The following RBFOX1 variants were observed in gnomAD, a reference collection of about 807,000 sequenced individuals.
The protein encoded by RBFOX1 is RNA binding protein fox-1 homolog 1.
RBFOX1 carries 8 observed loss-of-function variants against 57.7 expected under a neutral mutation model. The ratio of observed to expected loss-of-function variants is 0.14; its 90% CI spans 0.08 to 0.25. RBFOX1 has a LOEUF of 0.25. Among genes scored for constraint, RBFOX1 ranks in the 10% least tolerant of loss-of-function variants. The probability of loss-of-function intolerance (pLI) is 1.00; values close to 1 mark genes in which losing one functional copy is unlikely to be tolerated. For synonymous variants in RBFOX1, 326 were observed against 222.4 expected, an observed-to-expected ratio of 1.47 and a Z score of -4.15; for missense variants, 611 against 548.5, an observed-to-expected ratio of 1.11 and a Z score of -1.14.
At chr16:7,478,183 A>T (rs1443359078) in intron 4 of RBFOX1, among the ~76,000 whole-genome samples, 2 of 152,338 alleles carry the variant, frequency 1.3e-5, no homozygotes, top group East Asian at 1.9e-4. Context: ...ACAGCTTTTC[A>T]CTTCACCCAG....
At chr16:7,218,594 A>G (rs965925851) in intron 4 of RBFOX1, among the ~76,000 whole-genome samples, 19 of 149,032 alleles carry the variant, frequency 1.3e-4, no homozygotes, top group African/African-American at 4.3e-4. Flanking sequence ...GTTAACCAGA[A>G]GACGTGATTT....
intron 3 of RBFOX1, among the ~76,000 whole-genome samples, chr16:6,907,879 C>T (rs2153425955): frequency 6.6e-6 from 1 of 151,750 alleles, no homozygotes; most frequent in South Asian, 2.1e-4. Flanking sequence ...CGGCCAGCTT[C>T]TGTGGTTGGC....
At chr16:5,251,615 T>G (rs1460980144) in intron 1 of RBFOX1, among the ~76,000 whole-genome samples, 2 of 152,114 alleles carry the variant, frequency 1.3e-5, no homozygotes, top group African/African-American at 4.8e-5. Context: ...TTAAAGCCAC[T>G]TCCAGGCAAA....
intron 2 of RBFOX1, among the ~76,000 whole-genome samples, chr16:6,429,678 G>C (rs2094023240): frequency 1.3e-5 from 2 of 152,182 alleles, no homozygotes; most frequent in African/African-American, 2.4e-5. Context: ...CTTCTCATGG[G>C]AGTGAATAAG....
chr16:6,765,967 G>C, intron 3 of RBFOX1, among the ~76,000 whole-genome samples: 1 of 152,076 alleles, frequency 6.6e-6, no homozygotes. Flanking sequence ...GGACATTGGA[G>C]ACTCAGAAGA....
At chr16:7,686,358 T>G (rs1370592853) in intron 14 of RBFOX1, among the ~76,000 whole-genome samples, 1 of 152,076 alleles carries the variant, frequency 6.6e-6, no homozygotes, top group Non-Finnish European at 1.5e-5. Context: ...CCTATCCTTC[T>G]TTTTCAACCT....
intron 1 of RBFOX1, among the ~76,000 whole-genome samples, chr16:5,335,945 G>A (rs150891789): frequency 7.2e-5 from 11 of 152,214 alleles, no homozygotes; most frequent in African/African-American, 2.4e-4. Context: ...AGCATTTCTT[G>A]TTTCCTTTAA....
At chr16:7,138,702 C>T (rs961526905) in intron 4 of RBFOX1, among the ~76,000 whole-genome samples, 1 of 152,158 alleles carries the variant, frequency 6.6e-6, no homozygotes, top group Non-Finnish European at 1.5e-5. Context: ...CATCATCTCC[C>T]AGATATATAG....
rs557280689 is a variant in RBFOX1 at position 5,751,455 on chromosome 16, A to T, written c.319-115848A>T. ...ACCCAATAGAGAAGTTAATACATCC[A>T]CTGTAGACTTCTGCTTAAAATCAGA... On this transcript the variant is annotated intron_variant, in intron 3 of 19. Coordinates refer to the RBFOX1 transcript ENST00000641259. Among the ~76,000 whole-genome samples, 245 of 152,302 alleles carry T rather than the reference A, an allele frequency of 1.6e-3. 1 individual carries two copies. Among genetic ancestry groups the T allele is most frequent in the African/African-American group, 5.6e-3 (231 of 41,578 alleles).
chr16:6,614,162 A>G (rs1267125194), intron 2 of RBFOX1, among the ~76,000 whole-genome samples: 1 of 152,182 alleles, frequency 6.6e-6, no homozygotes, highest in African/African-American at 2.4e-5. Context: ...AATATTTTCT[A>G]CAGATCATAT....
chr16:7,045,838 A>G (rs2047738481), intron 3 of RBFOX1, among the ~76,000 whole-genome samples: 1 of 151,916 alleles, frequency 6.6e-6, no homozygotes, highest in South Asian at 2.1e-4. Flanking sequence ...TTGTATTTTT[A>G]GTAGAGACAG....
At chr16:7,692,799 CTA>C (rs1160092803) in intron 14 of RBFOX1, among the ~76,000 whole-genome samples, 2 of 152,010 alleles carry the variant, frequency 1.3e-5, no homozygotes, top group Admixed American at 6.6e-5. Flanking sequence ...TCTCTTAGCT[CTA>C]TGTAGCAAGC....
At chr16:5,745,662 G>A (rs2052952111) in intron 3 of RBFOX1, among the ~76,000 whole-genome samples, 1 of 152,192 alleles carries the variant, frequency 6.6e-6, no homozygotes, top group Non-Finnish European at 1.5e-5. Context: ...GTATCTCATT[G>A]TGGTTTGATT....
At chr16:7,372,793 G>C (rs1438677174) in intron 4 of RBFOX1, among the ~76,000 whole-genome samples, 1 of 151,970 alleles carries the variant, frequency 6.6e-6, no homozygotes, top group Non-Finnish European at 1.5e-5. Flanking sequence ...GGGAGGAAGA[G>C]AAGGAGGAAA....
chr16:7,450,153 C>A (rs1036442393), intron 4 of RBFOX1, among the ~76,000 whole-genome samples: 1 of 151,868 alleles, frequency 6.6e-6, no homozygotes, highest in Admixed American at 6.6e-5. Flanking sequence ...TCCAGCACTT[C>A]GGGAGATGGA....
chr16:6,178,049 G>C (rs1007863221), intron 1 of RBFOX1, among the ~76,000 whole-genome samples: 2 of 151,960 alleles, frequency 1.3e-5, no homozygotes, highest in Non-Finnish European at 2.9e-5. Context: ...AGTGTTTCAG[G>C]ATTTTATTTT....
At chr16:7,360,526 C>T (rs1568406507) in intron 4 of RBFOX1, among the ~76,000 whole-genome samples, 1 of 152,164 alleles carries the variant, frequency 6.6e-6, no homozygotes, top group Non-Finnish European at 1.5e-5. Flanking sequence ...TATCAGAAAA[C>T]CCAGGAAGGT....
At chr16:5,743,431 A>G (rs781521983) in intron 3 of RBFOX1, among the ~76,000 whole-genome samples, 1 of 152,200 alleles carries the variant, frequency 6.6e-6, no homozygotes, top group East Asian at 1.9e-4. Context: ...GAGGAGTCTT[A>G]CATTCCCATA....
chr16:5,356,195 G>A (rs1433473834), intron 1 of RBFOX1, among the ~76,000 whole-genome samples: 1 of 152,168 alleles, frequency 6.6e-6, no homozygotes, highest in East Asian at 1.9e-4. Flanking sequence ...CCAAGGGGTG[G>A]CAAGGATTTT....
Sources: allele counts gnomAD v4.1 joint callset (sites outside exome capture counted in the v4.1 genomes callset), GRCh38; gene constraint gnomAD v4.1.1; transcripts MANE v1.5; gene names NCBI Gene and HGNC (gene_info 2026-07-23, HGNC 2026-07-21).